Variants in RAB8B observed in about 807,000 individuals in gnomAD.
RAB8B encodes RAB8B, member RAS oncogene family, also known as ras-related protein Rab-8B.
A neutral mutation model predicts 32.0 loss-of-function variants in RAB8B; 11 were observed. The ratio of observed to expected loss-of-function variants is 0.34; its 90% confidence interval spans 0.22 to 0.57. RAB8B has a LOEUF of 0.57. RAB8B is among the 20% of genes least tolerant of loss of function. The pLI, the probability that RAB8B is intolerant of heterozygous loss-of-function variation, is 0.86. For missense variants in RAB8B, 190 were observed against 258.5 expected, an observed-to-expected ratio of 0.73 and a Z score of 1.82; for synonymous variants, 103 against 89.6, an observed-to-expected ratio of 1.15 and a Z score of -0.85.
intron 2 of RAB8B, among the ~76,000 whole-genome samples, chr15:63,247,377 C>A (rs2038080344): frequency 6.6e-6 from 1 of 152,202 alleles, no homozygotes; most frequent in African/African-American, 2.4e-5. Context: ...AGGCAAAGAT[C>A]TTATGATTAC....
At chr15:63,217,510 C>G (rs2037803579) in intron 1 of RAB8B, among the ~76,000 whole-genome samples, 1 of 152,124 alleles carries the variant, frequency 6.6e-6, no homozygotes, top group Non-Finnish European at 1.5e-5. Context: ...GATCCTTGAC[C>G]AAGTTTGGAG....
In RAB8B at chr15:63,263,854, C is replaced by A. The variant is rs931877569; in HGVS notation, c.*235C>A. ...GTGGAGACACATGCAGGACCTAACTCGTTTTTTCCTTGTTTTATTACCTGT... is the reference window on the plus strand; with the variant it reads ...GTGGAGACACATGCAGGACCTAACTAGTTTTTTCCTTGTTTTATTACCTGT... On this transcript the variant is annotated 3_prime_UTR_variant, in exon 8 of 8. Coordinates refer to ENST00000321437, the MANE Select transcript of RAB8B (RefSeq NM_016530.3). 2.2e-5 allele frequency: 9 copies of A among 411,354 alleles called. No individual in the cohort carries two copies. The highest frequency in any genetic ancestry group is 3.0e-5 in the Non-Finnish European group (7 of 229,662). The allele number at this position is 411,354 out of a possible 1,614,324, so 25.5% of individuals were successfully genotyped here.
chr15:63,222,681 G>C (rs1489468228), intron 1 of RAB8B, among the ~76,000 whole-genome samples: 6 of 152,140 alleles, frequency 3.9e-5, no homozygotes, highest in Non-Finnish European at 8.8e-5. Context: ...GGGACTACAG[G>C]CATATGCCAC....
At chr15:63,239,902 C>G (rs1354906108) in intron 1 of RAB8B, among the ~76,000 whole-genome samples, 2 of 152,038 alleles carry the variant, frequency 1.3e-5, no homozygotes, top group African/African-American at 4.8e-5. Flanking sequence ...AACCCAATAA[C>G]ACAGGATTAA....
chr15:63,242,175 G>T (rs1293130164), intron 1 of RAB8B, among the ~76,000 whole-genome samples: 2 of 151,522 alleles, frequency 1.3e-5, no homozygotes, highest in Non-Finnish European at 2.9e-5. Flanking sequence ...AATTAGCTTG[G>T]GTGTGATTGT....
At position 63,239,302 on chromosome 15, in the gene RAB8B, A is replaced by C. The variant is rs78130814; in HGVS notation, c.125-5454A>C. 2.4e-3 allele frequency among the ~76,000 whole-genome samples: 371 copies of C among 151,946 alleles called. 4 individuals carry two copies. Among genetic ancestry groups the C allele is most frequent in the African/African-American group, 8.6e-3 (357 of 41,406 alleles). ...ATTTTAACATGAATGTTAATCCACT[A>C]CTGATATTATTGTCAAGCTAATTGT... On this transcript the variant is annotated intron_variant, in intron 1 of 7. Transcript: ENST00000321437.
chr15:63,219,793 T>C (rs1467551769), intron 1 of RAB8B, among the ~76,000 whole-genome samples: 1 of 152,202 alleles, frequency 6.6e-6, no homozygotes, highest in African/African-American at 2.4e-5. Context: ...CTTTTACTAT[T>C]GAGCCTATAT....
chr15:63,235,707 T>A (rs2037972862), intron 1 of RAB8B, among the ~76,000 whole-genome samples: 1 of 151,002 alleles, frequency 6.6e-6, no homozygotes, highest in African/African-American at 2.4e-5. Flanking sequence ...ATGATAATAC[T>A]GTTGTTTTGG....
Position 63,259,725 on chromosome 15 carries a change from G to A in RAB8B, c.480+33G>A. 1 of 1,578,056 alleles carries A rather than the reference G, an allele frequency of 6.3e-7. No homozygotes were observed. Among genetic ancestry groups the A allele is most frequent in the South Asian group, 1.1e-5 (1 of 90,204 alleles). Reference sequence around the variant, plus strand: ...GGAAACGTTTGGTGACTGTTACGGAGCAGCACCAGTGCTTAGGGGCCTGTG... The same window carrying A: ...GGAAACGTTTGGTGACTGTTACGGAACAGCACCAGTGCTTAGGGGCCTGTG... On this transcript the variant is annotated intron_variant, in intron 6 of 7. Coordinates refer to ENST00000321437, the MANE Select transcript of RAB8B (RefSeq NM_016530.3). This position sits in a 1 kb window ranked among gnomAD's most constrained non-coding sequence, Gnocchi z 4.4.
At chr15:63,192,431 C>A (rs2037563925) in intron 1 of RAB8B, among the ~76,000 whole-genome samples, 1 of 152,182 alleles carries the variant, frequency 6.6e-6, no homozygotes, top group African/African-American at 2.4e-5. Context: ...CCCATCTCCT[C>A]CCTAGTCATG....
chr15:63,252,879 G>GGCAA (rs1393159724), intron 3 of RAB8B, among the ~76,000 whole-genome samples: 5 of 151,190 alleles, frequency 3.3e-5, no homozygotes, highest in South Asian at 2.1e-4. Context: ...CTCCCTAGTA[G>GGCAA]CTGGGATTAT....
intron 1 of RAB8B, among the ~76,000 whole-genome samples, chr15:63,215,256 T>C (rs375933345): frequency 4.6e-5 from 7 of 152,352 alleles, no homozygotes; most frequent in East Asian, 1.9e-4. Context: ...TTAGATCTTA[T>C]TCATTGATGC....
chr15:63,244,667 C>T (rs2038057592), intron 1 of RAB8B, 89 bp from the exon 2 acceptor site: 2 of 1,065,366 alleles, frequency 1.9e-6, no homozygotes, highest in East Asian at 2.5e-5. Flanking sequence ...CGTTGGAGAG[C>T]TTTTTTTCAA....
chr15:63,265,473 A>C lies in RAB8B; in HGVS notation c.*1854A>C, dbSNP rs1010895454. The C allele has an allele frequency of 2.0e-5, 3 of 152,060 alleles. No homozygotes were observed. Among genetic ancestry groups the C allele is most frequent in the African/African-American group, 7.3e-5 (3 of 41,334 alleles). 9.4% of individuals were successfully genotyped at this position (152,060 alleles called of 1,614,324 possible). On this transcript the variant is annotated 3_prime_UTR_variant, in exon 8 of 8. Coordinates refer to ENST00000321437, the MANE Select transcript of RAB8B (RefSeq NM_016530.3). This position sits in a 1 kb window ranked among gnomAD's most constrained non-coding sequence, Gnocchi z 4.9. ...GTGATTGAAAGTTTATTGTAATTCT[A>C]CTATCTTCAAATTAGATACATTTTC...
At chr15:63,252,780 C>T (rs867310027) in intron 3 of RAB8B, among the ~76,000 whole-genome samples, 2 of 147,180 alleles carry the variant, frequency 1.4e-5, no homozygotes, top group Admixed American at 6.8e-5. Flanking sequence ...CGGAGTTTCA[C>T]TCTTGTTGCC....
chr15:63,222,194 G>A (rs2037850078), intron 1 of RAB8B, among the ~76,000 whole-genome samples: 1 of 152,130 alleles, frequency 6.6e-6, no homozygotes, highest in South Asian at 2.1e-4. Flanking sequence ...GTTCTCACTG[G>A]ACAGGACCAC....
intron 1 of RAB8B, among the ~76,000 whole-genome samples, chr15:63,237,449 C>G (rs531102634): frequency 3.3e-5 from 5 of 152,270 alleles, no homozygotes; most frequent in African/African-American, 1.2e-4. Context: ...GAGATGATAT[C>G]TCATTGTAGT....
intron 5 of RAB8B, among the ~76,000 whole-genome samples, chr15:63,258,311 AG>A (rs1267551639): frequency 2.6e-5 from 4 of 152,030 alleles, no homozygotes; most frequent in Non-Finnish European, 5.9e-5. Context: ...CATGCTGGCC[AG>A]GCTGGTCTCT....
At position 63,264,209 on chromosome 15, in the gene RAB8B, A is replaced by C. The variant is rs2038224071; in HGVS notation, c.*590A>C. 1.3e-5 allele frequency: 2 copies of C among 152,162 alleles called. No individual in the cohort carries two copies. The highest frequency in any genetic ancestry group is 2.9e-5 in the Non-Finnish European group (2 of 68,028). 9.4% of individuals were successfully genotyped at this position (152,162 alleles called of 1,614,324 possible). A position where few individuals can be genotyped will look rare whatever the true frequency, so the allele number is the denominator to read the frequency against. On this transcript the variant is annotated 3_prime_UTR_variant, in exon 8 of 8. Coordinates refer to ENST00000321437, the MANE Select transcript of RAB8B (RefSeq NM_016530.3). ...GGCCACAATTTCTTTATTTCTTCAG[A>C]TTAAGAGCTTTGCCTCATCCCCGAC...
Sources: gnomAD v4.1 joint callset for allele counts (sites outside exome capture counted in the v4.1 genomes callset) on GRCh38, gnomAD v4.1.1 for gene constraint, Gnocchi (gnomAD v3.1) non-coding constraint, MANE v1.5 for transcripts, NCBI Gene and HGNC (gene_info 2026-07-23, HGNC 2026-07-21) for gene names.